Variants in GOLGA8J observed in about 807,000 individuals in gnomAD.
GOLGA8J encodes golgin subfamily A member 8J.
In GOLGA8J, 19 loss-of-function variants were observed where a neutral mutation model predicts 67.7. The ratio of observed to expected loss-of-function variants is 0.28; its 90% CI spans 0.20 to 0.41. The LOEUF (loss-of-function observed/expected upper bound fraction) is 0.41, where lower values mean the gene tolerates loss of function less well. GOLGA8J is among the 10% of genes least tolerant of loss of function. The pLI is 1.00. For missense variants in GOLGA8J, 205 were observed against 584.3 expected (o/e 0.35, Z 6.69); for synonymous variants, 69 against 215.9 (o/e 0.32, Z 5.97).
At chr15:30,090,512 G>T (rs2057388569) in intron 13 of GOLGA8J, among the ~76,000 whole-genome samples, 1 of 147,430 alleles carries the variant, frequency 6.8e-6, no homozygotes, top group Non-Finnish European at 1.5e-5. Flanking sequence ...TAGAGGCATG[G>T]AGCCCCCAAT....
At position 30,090,393 on chromosome 15, in the gene GOLGA8J, C is replaced by T. The variant is rs576347069; in HGVS notation, c.1200+113C>T. The T allele has an allele frequency of 1.8e-5, 28 of 1,524,418 alleles. 3 individuals carry two copies. The highest frequency in any genetic ancestry group is 2.9e-5 in the African/African-American group (2 of 69,182). 94.4% of individuals were successfully genotyped at this position (1,524,418 alleles called of 1,614,324 possible). On this transcript the variant is annotated intron_variant, in intron 13 of 18. Coordinates refer to ENST00000567927, the MANE Select transcript of GOLGA8J (RefSeq NM_001282472.2). ...CAGCTTCCAGCCTGGGGGCTGGTGA[C>T]CACAGCACCCCCCAGGGCAGTCCTG...
intron 2 of GOLGA8J, 140 bp downstream of exon 2, chr15:30,085,030 C>G: frequency 2.0e-6 from 1 of 490,934 alleles, no homozygotes; most frequent in Non-Finnish European, 3.4e-6. Context: ...CGCCTGTAAT[C>G]CTAGCACTTT....
Position 30,094,537 on chromosome 15 carries a change from G to A in GOLGA8J, c.*1038G>A, listed in dbSNP as rs1001022470. Among the ~76,000 whole-genome samples, 19 of 126,340 alleles carry A rather than the reference G, an allele frequency of 1.5e-4. 2 individuals carry two copies. Among genetic ancestry groups the A allele is most frequent in the Admixed American group, 2.8e-4 (4 of 14,248 alleles). The allele number at this position is 126,340 out of a possible 152,430, so 82.9% of individuals were successfully genotyped here. A position where few individuals can be genotyped will look rare whatever the true frequency, so the allele number is the denominator to read the frequency against. On this transcript the variant is annotated 3_prime_UTR_variant, in exon 19 of 19. Transcript: ENST00000567927. ...TAAGAAATCCTTTATGAGTTCAAAC[G>A]TTCCTGGAACAGGCATACAGGCTCT...
At position 30,088,663 on chromosome 15, in the gene GOLGA8J, C is replaced by A. The variant is rs1304838460; in HGVS notation, c.592-77C>A. ...TGACCGAGTTGTATATTGGGCCTAG[C>A]CCTAGCCCTTTTAAGGGGCACTGTG... On this transcript the variant is annotated intron_variant, in intron 8 of 18. Transcript: ENST00000567927. The A allele has an allele frequency of 3.2e-6, 4 of 1,239,340 alleles. No individual in the cohort carries two copies. In the East Asian group the frequency reaches 7.1e-5, roughly 22 times the overall value. 76.8% of individuals were successfully genotyped at this position (1,239,340 alleles called of 1,614,324 possible).
Position 30,090,383 on chromosome 15 carries a change from G to A in GOLGA8J, c.1200+103G>A. 11 of 1,518,942 alleles carry A rather than the reference G, an allele frequency of 7.2e-6. 1 individual carries two copies. Among genetic ancestry groups the A allele is most frequent in the Non-Finnish European group, 9.7e-6 (11 of 1,135,302 alleles). The allele number at this position is 1,518,942 out of a possible 1,614,324, so 94.1% of individuals were successfully genotyped here. On this transcript the variant is annotated intron_variant, in intron 13 of 18. Transcript: ENST00000567927. ...AGGCCAGAGGCAGCTTCCAGCCTGG[G>A]GGCTGGTGACCACAGCACCCCCCAG...
rs1253295345 is a variant in GOLGA8J, at chr15:30,096,194, A to G, written c.*2695A>G. Among the ~76,000 whole-genome samples, 2 of 149,304 alleles carry G rather than the reference A, an allele frequency of 1.3e-5. No homozygotes were observed. Among genetic ancestry groups the G allele is most frequent in the Admixed American group, 1.3e-4 (2 of 14,960 alleles). On this transcript the variant is annotated 3_prime_UTR_variant, in exon 19 of 19. Transcript: ENST00000567927. ...ATACATTTTAATGTCTGTAGGAAGAATCAAAACACCTATTTAAAGATGGCA... is the reference window on the plus strand; with the variant it reads ...ATACATTTTAATGTCTGTAGGAAGAGTCAAAACACCTATTTAAAGATGGCA...
rs1271562324 is a variant in GOLGA8J, at chr15:30,094,792, ATACT to A, written c.*1296_*1299del. Among the ~76,000 whole-genome samples the A allele has an allele frequency of 1.5e-5, 2 of 135,494 alleles. No individual in the cohort carries two copies. The highest frequency in any genetic ancestry group is 2.1e-4 in the East Asian group (1 of 4,822). The allele number at this position is 135,494 out of a possible 152,430, so 88.9% of individuals were successfully genotyped here. On this transcript the variant is annotated 3_prime_UTR_variant, in exon 19 of 19. Transcript: ENST00000567927. ...ATTATTATAAACTAATATATGTGAG[ATACT>A]TAGTTGAAACAAAAAGGAGTTTTAG...
Position 30,090,719 on chromosome 15 carries a change from T to C in GOLGA8J, c.1200+439T>C, listed in dbSNP as rs956429087. On this transcript the variant is annotated intron_variant, in intron 13 of 18. Transcript: ENST00000567927. ...AAAAAAAAAAAAAATTAGCAGGACA[T>C]TGTGGCGCATGCCTGTAATTCCACC... Among the ~76,000 whole-genome samples the C allele has an allele frequency of 1.7e-4, 23 of 131,470 alleles. 1 individual carries two copies. Among genetic ancestry groups the C allele is most frequent in the Non-Finnish European group, 2.6e-4 (17 of 64,454 alleles). The allele number at this position is 131,470 out of a possible 152,430, so 86.2% of individuals were successfully genotyped here.
Position 30,090,040 on chromosome 15 carries a change from G to A in GOLGA8J, c.1131+84G>A, listed in dbSNP as rs1199482158. 4 of 1,388,216 alleles carry A rather than the reference G, an allele frequency of 2.9e-6. No individual in the cohort carries two copies. In the East Asian group the frequency reaches 7.5e-5, roughly 26 times the overall value. The allele number at this position is 1,388,216 out of a possible 1,614,324, so 86.0% of individuals were successfully genotyped here. A position where few individuals can be genotyped will look rare whatever the true frequency, so the allele number is the denominator to read the frequency against. On this transcript the variant is annotated intron_variant, in intron 12 of 18. Coordinates refer to ENST00000567927, the MANE Select transcript of GOLGA8J (RefSeq NM_001282472.2). ...CCCACCTCTAAAATGGGGCAGTGTA[G>A]CCCTCACATGAAATGTTACTTCTAA...
In GOLGA8J at chr15:30,084,929, C is replaced by A. The variant is rs746328208; in HGVS notation, c.168+39C>A. The A allele has an allele frequency of 2.7e-6, 4 of 1,493,774 alleles. 1 individual carries two copies. The highest frequency in any genetic ancestry group is 3.5e-6 in the Non-Finnish European group (4 of 1,141,164). The allele number at this position is 1,493,774 out of a possible 1,614,324, so 92.5% of individuals were successfully genotyped here. On this transcript the variant is annotated intron_variant, in intron 2 of 18. Transcript: ENST00000567927. ...GACCAGGCTTCTGGGGACAGGGGGC[C>A]CAAGGGGCAGTAGAGGGTAATTGTT... is the stretch of plus-strand genomic sequence containing the variant.
In GOLGA8J at chr15:30,090,216, A is replaced by G. The variant is rs2057384258; in HGVS notation, c.1136A>G (p.Asn379Ser). The change falls in exon 13 of 19, where the codon AAT (asparagine) becomes AGT (serine). Residue 379 changes from asparagine (N) to serine (S), a missense_variant. Physicochemically the swap from Asn to Ser is conservative, Grantham distance 46. Transcript: ENST00000567927. ...KPQSVFKEPNNENKNALQLEQ... is the reference protein window; with the variant it reads ...KPQSVFKEPNSENKNALQLEQ... ...TGATTGCTTCTCTCTGTCCAGAACAATGAGAACAAGAACGCACTGCAGTTG... is the reference window on the plus strand; with the variant it reads ...TGATTGCTTCTCTCTGTCCAGAACAGTGAGAACAAGAACGCACTGCAGTTG... The G allele has an allele frequency of 1.6e-6, 2 of 1,284,802 alleles. No homozygotes were observed. Among genetic ancestry groups the G allele is most frequent in the Non-Finnish European group, 2.1e-6 (2 of 934,820 alleles). 79.6% of individuals were successfully genotyped at this position (1,284,802 alleles called of 1,614,324 possible).
Position 30,095,419 on chromosome 15 carries a change from A to G in GOLGA8J, c.*1920A>G, listed in dbSNP as rs1267363284. Among the ~76,000 whole-genome samples the G allele has an allele frequency of 8.2e-5, 12 of 145,470 alleles. No homozygotes were observed. On this transcript the variant is annotated 3_prime_UTR_variant, in exon 19 of 19. Coordinates refer to ENST00000567927, the MANE Select transcript of GOLGA8J (RefSeq NM_001282472.2). The stretch of plus-strand genomic sequence containing the variant: ...TCTTCCAAATTTTATGAATGTATCA[A>G]TGTATTAGATAAACCCAGTTTCAGA...
rs1306284882 is a variant in GOLGA8J, at chr15:30,095,114, T to C, written c.*1615T>C. ...TGCCTAAATCATAACTTGATGATGC[T>C]TGGGAAAGACTCAACAGTTAAAACT... On this transcript the variant is annotated 3_prime_UTR_variant, in exon 19 of 19. Coordinates refer to ENST00000567927, the MANE Select transcript of GOLGA8J (RefSeq NM_001282472.2). Among the ~76,000 whole-genome samples, 5 of 147,138 alleles carry C rather than the reference T, an allele frequency of 3.4e-5. 1 individual carries two copies. Among genetic ancestry groups the C allele is most frequent in the African/African-American group, 1.0e-4 (4 of 38,098 alleles).
rs564662053 is a variant in GOLGA8J, at chr15:30,094,328, G to T, written c.*829G>T. Among the ~76,000 whole-genome samples the T allele has an allele frequency of 6.8e-6, 1 of 147,974 alleles. No homozygotes were observed. The highest frequency in any genetic ancestry group is 1.5e-5 in the Non-Finnish European group (1 of 67,642). On this transcript the variant is annotated 3_prime_UTR_variant, in exon 19 of 19. Coordinates refer to ENST00000567927, the MANE Select transcript of GOLGA8J (RefSeq NM_001282472.2). ...GATGACCTAAAAAGGGCTTATTTCT[G>T]AGGAATGAAAGGTTCCCATCATTGA...
chr15:30,096,268 C>T lies in GOLGA8J; in HGVS notation c.*2769C>T, dbSNP rs1348692670. ...TATTTGATTCAACCTGATAATTTTC[C>T]AGAAATGAAAAAAAAAAATCAGCTC... On this transcript the variant is annotated 3_prime_UTR_variant, in exon 19 of 19. Transcript: ENST00000567927. Among the ~76,000 whole-genome samples, 1 of 149,030 alleles carries T rather than the reference C, an allele frequency of 6.7e-6. No homozygotes were observed.
chr15:30,088,614 G>T, intron 8 of GOLGA8J, 126 bp from the exon 9 acceptor site: 1 of 830,068 alleles, frequency 1.2e-6, no homozygotes, highest in Non-Finnish European at 2.0e-6. Flanking sequence ...CAGACCACGG[G>T]CTTGGAAATG....
intron 2 of GOLGA8J, among the ~76,000 whole-genome samples, chr15:30,085,306 G>A (rs2057338686): frequency 2.0e-5 from 2 of 101,684 alleles, no homozygotes. Flanking sequence ...AGGAATTCTG[G>A]GTTTGAATCC....
In GOLGA8J at chr15:30,088,975, T is replaced by G; in HGVS notation, c.721T>G (p.Tyr241Asp). 1 of 1,503,590 alleles carries G rather than the reference T, an allele frequency of 6.7e-7. No individual in the cohort carries two copies. The highest frequency in any genetic ancestry group is 8.8e-7 in the Non-Finnish European group (1 of 1,131,262). 93.1% of individuals were successfully genotyped at this position (1,503,590 alleles called of 1,614,324 possible). ...ACAAGTCCAATTAGAAAGAGATGAGTATTCTGAACATCTAAAAGGAGAGAG... is the reference window on the plus strand; with the variant it reads ...ACAAGTCCAATTAGAAAGAGATGAGGATTCTGAACATCTAAAAGGAGAGAG... ...FQQVQLERDE[Y>D]SEHLKGERAR... is the part of the protein sequence containing the mutation. The change falls in exon 10 of 19, where the codon TAT (tyrosine) becomes GAT (aspartate). Residue 241 changes from tyrosine to aspartate, a missense_variant. Physicochemically the swap from Tyr to Asp is radical, Grantham distance 160. Coordinates refer to ENST00000567927, the MANE Select transcript of GOLGA8J (RefSeq NM_001282472.2).
At chr15:30,090,467 G>A (rs1375498039) in intron 13 of GOLGA8J, among the ~76,000 whole-genome samples, 187 bp downstream of exon 13, 1 of 148,092 alleles carries the variant, frequency 6.8e-6, no homozygotes, top group African/African-American at 2.6e-5. Context: ...GGGTAGCCCT[G>A]GGCTCCTCTA....
Sources: allele counts gnomAD v4.1 joint callset (sites outside exome capture counted in the v4.1 genomes callset), GRCh38; gene constraint gnomAD v4.1.1; transcripts MANE v1.5; gene names NCBI Gene and HGNC (gene_info 2026-07-23, HGNC 2026-07-21).